Variants in ART5 observed in about 807,000 individuals in gnomAD.
ART5 encodes the protein ecto-ADP-ribosyltransferase 5.
ART5 carries 22 observed loss-of-function variants against 25.0 expected under a neutral mutation model. The observed-to-expected ratio is 0.88, with a 90% CI of 0.63 to 1.26. The LOEUF is 1.26. ART5 is among the 50% of genes most tolerant of loss of function. The pLI, the probability that ART5 is intolerant of heterozygous loss-of-function variation, is 0.00. For missense variants in ART5, 402 were observed against 372.8 expected (o/e 1.08, Z -0.64); for synonymous variants, 161 against 154.8 (o/e 1.04, Z -0.30).
Position 3,640,104 on chromosome 11 carries a change from C to T in ART5, c.325G>A (p.Glu109Lys), listed in dbSNP as rs2077372839. The T allele has an allele frequency of 6.2e-7, 1 of 1,614,248 alleles. No homozygotes were observed. Among genetic ancestry groups the T allele is most frequent in the East Asian group, 2.2e-5 (1 of 44,888 alleles). Residue 109 changes from glutamate (E) to lysine (K), a missense_variant, in exon 2 of 4, where the codon GAG becomes AAG. Transcript: ENST00000397068. ...CCCGTCCGCACGGCCTGATTCAACT[C>T]CCAGTACAAGGTGTTCGATGAGTTG... ...YTNSSNTLYW[E>K]LNQAVRTGGG...
chr11:3,639,630 T>G lies in ART5; in HGVS notation c.787+12A>C. The stretch of plus-strand genomic sequence containing the variant: ...CACACTGCCAGTCCTGCTTCCCCCA[T>G]GCACAGCTTACCACCCAGATAGGCG... On this transcript the variant is annotated intron_variant, in intron 2 of 3. Transcript: ENST00000397068. 6.2e-7 allele frequency: 1 copy of G among 1,603,588 alleles called. No individual in the cohort carries two copies. Among genetic ancestry groups the G allele is most frequent in the Non-Finnish European group, 8.5e-7 (1 of 1,175,098 alleles).
intron 1 of ART5, among the ~76,000 whole-genome samples, chr11:3,641,041 G>A (rs553651161): frequency 6.6e-6 from 1 of 152,068 alleles, no homozygotes; most frequent in Non-Finnish European, 1.5e-5. Flanking sequence ...CCGCGCGCAG[G>A]CTGAAATCTT....
chr11:3,640,111 C>T lies in ART5; in HGVS notation c.318G>A (p.Leu106=), dbSNP rs376205015. ...GCACGGCCTGATTCAACTCCCAGTA[C>T]AAGGTGTTCGATGAGTTGGTGTAGA... ...IMVYTNSSNT[L]YWELNQAVRT... Residue 106 remains leucine (L), a synonymous_variant, in exon 2 of 4, where the codon TTG becomes TTA. Coordinates refer to ENST00000397068, the MANE Select transcript of ART5 (RefSeq NM_053017.5). 11 of 1,614,228 alleles carry T rather than the reference C, an allele frequency of 6.8e-6. No homozygotes were observed. Among genetic ancestry groups the T allele is most frequent in the Non-Finnish European group, 9.3e-6 (11 of 1,180,054 alleles).
In ART5 at chr11:3,640,216, G is replaced by A. The variant is rs1170683750; in HGVS notation, c.213C>T (p.Ala71=). 1.2e-6 allele frequency: 2 copies of A among 1,613,864 alleles called. No homozygotes were observed. The change falls in exon 2 of 4, where the codon GCC becomes GCT. Residue 71 remains alanine, a synonymous_variant. Transcript: ENST00000397068. ...GACGCTTGTCCTCCCAGGTCTCCTG[G>A]GCTGCCTCCCAGGATTCCCGCAGCA... The part of the protein sequence containing the change: ...HALLRESWEA[A]QETWEDKRRG...
intron 1 of ART5, among the ~76,000 whole-genome samples, chr11:3,640,622 T>C (rs7947928): frequency 0.97 from 145,188 of 149,958 alleles, 70,454 homozygotes; most frequent in East Asian, 1. Flanking sequence ...CAGGCTGGAG[T>C]GCAGTGGTGA....
At chr11:3,642,202 G>T (rs1159597053), upstream of ART5, 1 of 1,173,972 alleles carries the variant, frequency 8.5e-7, no homozygotes. Flanking sequence ...AGCCGCCAGC[G>T]GGAGGGAGCG....
Position 3,640,353 on chromosome 11 carries a change from G to A in ART5, c.76C>T (p.Leu26=), listed in dbSNP as rs201190785. 7 of 1,345,412 alleles carry A rather than the reference G, an allele frequency of 5.2e-6. No individual in the cohort carries two copies. The highest frequency in any genetic ancestry group is 2.4e-5 in the Admixed American group (1 of 40,972). The allele number at this position is 1,345,412 out of a possible 1,614,324, so 83.3% of individuals were successfully genotyped here. Residue 26 remains leucine (L), a synonymous_variant, in exon 2 of 4, where the codon CTG becomes TTG. Transcript: ENST00000397068. Reference sequence around the variant, plus strand: ...GTGTCTGGAGCCAGGCCCAGGGGCAGGATGGGAACAGCCTGGGCCTGTGGA... The same window carrying A: ...GTGTCTGGAGCCAGGCCCAGGGGCAAGATGGGAACAGCCTGGGCCTGTGGA... ...HTWQAQAVPI[L]PLGLAPDTFD...
In ART5 at chr11:3,640,253, G is replaced by A. The variant is rs148751212; in HGVS notation, c.176C>T (p.Ala59Val). The change falls in exon 2 of 4, where the codon GCC (alanine) becomes GTC (valine). Residue 59 changes from alanine (A) to valine (V), a missense_variant. Physicochemically the swap from Ala to Val is moderately conservative, Grantham distance 64. Coordinates refer to ENST00000397068, the MANE Select transcript of ART5 (RefSeq NM_053017.5). ...GGATTCCCGCAGCAGGGCATGGTGG[G>A]CCATTTCCTCCTTTAGCAGGGGGGC... ...KAAPLLKEEM[A>V]HHALLRESWE... is the part of the protein sequence containing the mutation. The A allele has an allele frequency of 3.7e-6, 6 of 1,613,590 alleles. No homozygotes were observed. The African/African-American group carries it at 6.7e-5, about 18-fold the overall frequency.
rs753415858 is a variant in ART5, at chr11:3,638,929, G to A, written c.820+74C>T. 21 of 1,584,790 alleles carry A rather than the reference G, an allele frequency of 1.3e-5. No homozygotes were observed. In the South Asian group the frequency reaches 2.3e-4, roughly 17 times the overall value. On this transcript the variant is annotated intron_variant, in intron 3 of 3. Coordinates refer to ENST00000397068, the MANE Select transcript of ART5 (RefSeq NM_053017.5). Reference sequence around the variant, plus strand: ...GACCCTAGCTGCACCCCTGCTGAAGGGAAAAGAGGAGGAAGGGGTCAGCAG... The same window carrying A: ...GACCCTAGCTGCACCCCTGCTGAAGAGAAAAGAGGAGGAAGGGGTCAGCAG...
At position 3,641,982 on chromosome 11, in the gene ART5, G is replaced by A; in HGVS notation, c.-120C>T. 6.8e-7 allele frequency: 1 copy of A among 1,462,110 alleles called. No individual in the cohort carries two copies. Among genetic ancestry groups the A allele is most frequent in the Admixed American group, 2.2e-5 (1 of 45,464 alleles). 90.6% of individuals were successfully genotyped at this position (1,462,110 alleles called of 1,614,324 possible). Reference sequence around the variant, plus strand: ...CTGTCTCCAGGCGCACGGGATCCCGGGTCCAGGATTAGGGCCCCGGCGGGG... The same window carrying A: ...CTGTCTCCAGGCGCACGGGATCCCGAGTCCAGGATTAGGGCCCCGGCGGGG... On this transcript the variant is annotated 5_prime_UTR_variant, in exon 1 of 4. Coordinates refer to ENST00000397068, the MANE Select transcript of ART5 (RefSeq NM_053017.5).
rs780313346 is a variant in ART5 at position 3,639,061 on chromosome 11, TC to T, written c.788-27del. Reference sequence around the variant, plus strand: ...CTGCAACAGACAGCAGGGTGAGGCCTCCGCGTGGACAGACTCGCACCCAAAC... The same window carrying T: ...CTGCAACAGACAGCAGGGTGAGGCCTCGCGTGGACAGACTCGCACCCAAAC... On this transcript the variant is annotated intron_variant, in intron 2 of 3. Coordinates refer to ENST00000397068, the MANE Select transcript of ART5 (RefSeq NM_053017.5). The T allele has an allele frequency of 3.3e-5, 51 of 1,550,306 alleles. No individual in the cohort carries two copies. In the South Asian group the frequency reaches 5.7e-4, roughly 17 times the overall value.
chr11:3,640,039 G>A lies in ART5; in HGVS notation c.390C>T (p.Phe130=), dbSNP rs746537106. 1.2e-6 allele frequency: 2 copies of A among 1,614,174 alleles called. No individual in the cohort carries two copies. The highest frequency in any genetic ancestry group is 1.7e-5 in the Admixed American group (1 of 60,032). The change falls in exon 2 of 4, where the codon TTC becomes TTT. Residue 130 remains phenylalanine (F), a synonymous_variant. Coordinates refer to ENST00000397068, the MANE Select transcript of ART5 (RefSeq NM_053017.5). ...GGATCAGGTAGAAATGCAGGGCCTT[G>A]AAGGGAAAGTGCCTCATGTAGAGCT... The part of the protein sequence containing the change: ...SRELYMRHFP[F]KALHFYLIRA...
At chr11:3,642,189 G>A (rs900725887), upstream of ART5, 68 of 1,192,672 alleles carry the variant, frequency 5.7e-5, no homozygotes, top group Non-Finnish European at 6.8e-5. Flanking sequence ...TGAAGGCTGC[G>A]GAAGCCGCCA....
intron 2 of ART5, 22 bp from the exon 3 acceptor site, chr11:3,639,057 G>A: frequency 6.4e-7 from 1 of 1,550,606 alleles, no homozygotes. Flanking sequence ...AGCAGGGTGA[G>A]GCCTCCGCGT....
Position 3,639,748 on chromosome 11 carries a change from A to G in ART5, c.681T>C (p.His227=), listed in dbSNP as rs775225474. 8 of 1,613,962 alleles carry G rather than the reference A, an allele frequency of 5.0e-6. No individual in the cohort carries two copies. The Admixed American group carries it at 1.0e-4, about 20-fold the overall frequency. ...AGAATCTGGTAACCAAAAAGACTTC[A>G]TGGGGGGGAATCAGCACCTCGCGCT... ...PKEREVLIPP[H]EVFLVTRFSQ... is the part of the protein sequence containing the mutation. The change falls in exon 2 of 4, where the codon CAT becomes CAC. Residue 227 remains histidine (H), a synonymous_variant. Transcript: ENST00000397068.
At position 3,640,388 on chromosome 11, in the gene ART5, G is replaced by A. The variant is rs55730153; in HGVS notation, c.58-17C>T. On this transcript the variant is annotated splice_polypyrimidine_tract_variant and intron_variant, in intron 1 of 3. Transcript: ENST00000397068. Reference sequence around the variant, plus strand: ...AGCCTGGGCCTGTGGAGCAAAAGAGGTGCCACACCGAAAAGAGCATAAGTT... The same window carrying A: ...AGCCTGGGCCTGTGGAGCAAAAGAGATGCCACACCGAAAAGAGCATAAGTT... 8,292 of 1,567,728 alleles carry A rather than the reference G, an allele frequency of 5.3e-3. 393 individuals are homozygous for A. In the African/African-American group the frequency reaches 0.098, roughly 19 times the overall value.
upstream of ART5, chr11:3,642,296 C>A (rs1004981603): frequency 2.1e-5 from 21 of 1,015,456 alleles, no homozygotes; most frequent in South Asian, 4.3e-5. Context: ...CTAACTGTAG[C>A]CCCCGCGCTG....
intron 1 of ART5, 30 bp downstream of exon 1, chr11:3,641,776 T>G: frequency 6.4e-7 from 1 of 1,564,582 alleles, no homozygotes. Flanking sequence ...AATGTCCCCC[T>G]TGGGGCTAGG....
upstream of ART5, chr11:3,641,996 G>A: frequency 6.9e-7 from 1 of 1,453,394 alleles, no homozygotes; most frequent in Non-Finnish European, 9.1e-7. Context: ...CAGGATTAGG[G>A]CCCCGGCGGG....
Sources: allele counts gnomAD v4.1 joint callset (sites outside exome capture counted in the v4.1 genomes callset), GRCh38; gene constraint gnomAD v4.1.1; transcripts MANE v1.5; gene names NCBI Gene and HGNC (gene_info 2026-07-23, HGNC 2026-07-21).